The following HTT variants were observed in gnomAD, a reference collection of about 807,000 sequenced individuals.
The protein encoded by HTT is huntingtin.
HTT carries 104 observed loss-of-function variants against 362.3 expected under a neutral mutation model. That is an observed-to-expected ratio of 0.29 (90% CI 0.24 to 0.34). HTT has a LOEUF of 0.34. Ranked by LOEUF, HTT falls within the 10% of genes least tolerant of loss-of-function variation. HTT has a pLI of 1.00. For missense variants in HTT, 3,301 were observed against 3,928.6 expected (o/e 0.84, Z 4.27); for synonymous variants, 1,577 against 1,548.7 (o/e 1.02, Z -0.43).
At chr4:3,210,459 C>T (rs980282968) in intron 47 of HTT, among the ~76,000 whole-genome samples, 2 of 152,184 alleles carry the variant, frequency 1.3e-5, no homozygotes, top group African/African-American at 4.8e-5. Context: ...TTGGATGCAG[C>T]GAGATTTCCT....
rs1157914049 is a variant in HTT, at chr4:3,136,214, T to A, written c.2698-12T>A. 1.3e-6 allele frequency: 2 copies of A among 1,549,518 alleles called. No individual in the cohort carries two copies. Among genetic ancestry groups the A allele is most frequent in the Admixed American group, 3.4e-5 (2 of 57,988 alleles). ...AAGATTATGTTTATTTTTATTATCC[T>A]TCTCTCTAAAGCTTTTAAAACTGCA... On this transcript the variant is annotated splice_polypyrimidine_tract_variant and intron_variant, in intron 20 of 66. Transcript: ENST00000355072.
At position 3,178,908 on chromosome 4, in the gene HTT, G is replaced by T. The variant is rs183885470; in HGVS notation, c.4612+462G>T. Among the ~76,000 whole-genome samples, 511 of 152,310 alleles carry T rather than the reference G, an allele frequency of 3.4e-3. 3 individuals carry two copies. Among genetic ancestry groups the T allele is most frequent in the Non-Finnish European group, 3.6e-3 (243 of 68,034 alleles). On this transcript the variant is annotated intron_variant, in intron 35 of 66. Coordinates refer to ENST00000355072, the MANE Select transcript of HTT (RefSeq NM_001388492.1). The stretch of plus-strand genomic sequence containing the variant: ...TCTGTTTTGCCTGATGATTTTGCTG[G>T]AGCTTAAATAAGGAACCCAGGAGAT...
intron 8 of HTT, among the ~76,000 whole-genome samples, chr4:3,120,457 A>G (rs1715240934): frequency 6.6e-6 from 1 of 152,184 alleles, no homozygotes; most frequent in African/African-American, 2.4e-5. Flanking sequence ...GTACTGGTCC[A>G]TGGGTCCCCA....
In HTT at chr4:3,239,894, G is replaced by T; in HGVS notation, c.9264G>T (p.Val3088=). Residue 3088 remains valine (V), a synonymous_variant, in exon 67 of 67, where the codon GTG becomes GTT. Transcript: ENST00000355072. ...SRMGKLEQVD[V]NLFCLVATDF... Reference sequence around the variant, plus strand: ...TGGGCAAGCTGGAGCAGGTGGACGTGAACCTTTTCTGCCTGGTCGCCACAG... The same window carrying T: ...TGGGCAAGCTGGAGCAGGTGGACGTTAACCTTTTCTGCCTGGTCGCCACAG... The T allele has an allele frequency of 6.4e-7, 1 of 1,571,874 alleles. No homozygotes were observed. The highest frequency in any genetic ancestry group is 1.2e-5 in the South Asian group (1 of 85,626).
intron 26 of HTT, 35 bp downstream of exon 26, chr4:3,148,242 C>G: frequency 1.4e-6 from 2 of 1,426,738 alleles, no homozygotes; most frequent in Non-Finnish European, 1.9e-6. Flanking sequence ...TTCATACAGC[C>G]TTAATGACTA....
At chr4:3,203,418 C>T (rs1719683377) in intron 41 of HTT, among the ~76,000 whole-genome samples, 1 of 152,114 alleles carries the variant, frequency 6.6e-6, no homozygotes, top group African/African-American at 2.4e-5. Context: ...ACTGTATGGA[C>T]TAGAGCCAAG....
In HTT at chr4:3,094,558, C is replaced by A. The variant is rs867749597; in HGVS notation, c.348-4716C>A. ...TGGGCGGGGGCTGCCCCCCACCTCC[C>A]GGACGGGGCGGGTGGCCGGGCGGGG... On this transcript the variant is annotated intron_variant, in intron 2 of 66. Transcript: ENST00000355072. Among the ~76,000 whole-genome samples, 10 of 147,610 alleles carry A rather than the reference C, an allele frequency of 6.8e-5. 1 individual carries two copies. Among genetic ancestry groups the A allele is most frequent in the South Asian group, 4.3e-4 (2 of 4,700 alleles).
At chr4:3,234,163 A>C (rs1450747604) in intron 61 of HTT, among the ~76,000 whole-genome samples, 1 of 152,254 alleles carries the variant, frequency 6.6e-6, no homozygotes. Context: ...GGAGACGGGA[A>C]GGTCTCTGTA....
chr4:3,203,999 C>A lies in HTT; in HGVS notation c.5577-8C>A, dbSNP rs1269639106. 6.2e-7 allele frequency: 1 copy of A among 1,613,516 alleles called. No homozygotes were observed. The highest frequency in any genetic ancestry group is 1.7e-5 in the Admixed American group (1 of 59,988). On this transcript the variant is annotated splice_polypyrimidine_tract_variant and splice_region_variant and intron_variant, in intron 41 of 66. Coordinates refer to ENST00000355072, the MANE Select transcript of HTT (RefSeq NM_001388492.1). The stretch of plus-strand genomic sequence containing the variant: ...AAACATTGTCAATGCATCTGTTGCT[C>A]CTTCTAGAAGACACAGTCTGTCCAG...
chr4:3,230,018 C>T lies in HTT; in HGVS notation c.8241C>T (p.Cys2747=). 6.2e-7 allele frequency: 1 copy of T among 1,613,866 alleles called. No homozygotes were observed. The highest frequency in any genetic ancestry group is 8.5e-7 in the Non-Finnish European group (1 of 1,179,722). Residue 2747 remains cysteine, a synonymous_variant, in exon 60 of 67, where the codon TGC becomes TGT. Transcript: ENST00000355072. ...CTCAGTACCTGGTGCCTGCCACCTGCAAGGCAGCTGCCGTCCTTGGGATGG... is the reference window on the plus strand; with the variant it reads ...CTCAGTACCTGGTGCCTGCCACCTGTAAGGCAGCTGCCGTCCTTGGGATGG... ...ILAQYLVPAT[C]KAAAVLGMDK... is the part of the protein sequence containing the mutation.
At chr4:3,165,357 T>A (rs1269542026) in intron 29 of HTT, among the ~76,000 whole-genome samples, 1 of 152,196 alleles carries the variant, frequency 6.6e-6, no homozygotes, top group Non-Finnish European at 1.5e-5. Context: ...TTTCCTTCAT[T>A]TCAATCTTGG....
Position 3,074,975 on chromosome 4 carries a change from GCTT to G in HTT, c.152_154del (p.Leu51del). The G allele has an allele frequency of 7.2e-7, 1 of 1,387,708 alleles. No individual in the cohort carries two copies. The highest frequency in any genetic ancestry group is 9.5e-7 in the Non-Finnish European group (1 of 1,047,492). The allele number at this position is 1,387,708 out of a possible 1,614,324, so 86.0% of individuals were successfully genotyped here. A position where few individuals can be genotyped will look rare whatever the true frequency, so the allele number is the denominator to read the frequency against. ...CGCCGCCGCCGCCGCCGCCTCCTCA[GCTT>G]CCTCAGCCGCCGCCGCAGGCACAGC... is the stretch of plus-strand genomic sequence containing the variant. On this transcript the variant is annotated inframe_deletion, in exon 1 of 67. Transcript: ENST00000355072.
At chr4:3,216,113 G>A (rs755576045) in intron 51 of HTT, among the ~76,000 whole-genome samples, 1 of 152,128 alleles carries the variant, frequency 6.6e-6, no homozygotes, top group Non-Finnish European at 1.5e-5. Flanking sequence ...TTTTCTCCCC[G>A]CTTTTGTGCA....
chr4:3,136,055 G>A lies in HTT; in HGVS notation c.2697+88G>A, dbSNP rs1578526567. The stretch of plus-strand genomic sequence containing the variant: ...TTGTGGAATTTCTCTAAATGCATTC[G>A]TCATGTTTTAGATGTTTATTTCACA... On this transcript the variant is annotated intron_variant, in intron 20 of 66. Transcript: ENST00000355072. 10 of 1,017,290 alleles carry A rather than the reference G, an allele frequency of 9.8e-6. No homozygotes were observed. In the East Asian group the frequency reaches 1.2e-4, roughly 12 times the overall value. The allele number at this position is 1,017,290 out of a possible 1,614,324, so 63.0% of individuals were successfully genotyped here. A position where few individuals can be genotyped will look rare whatever the true frequency, so the allele number is the denominator to read the frequency against.
intron 32 of HTT, 26 bp from the exon 33 acceptor site, chr4:3,174,916 ATTCT>A (rs750579988): frequency 2.4e-5 from 37 of 1,550,564 alleles, no homozygotes; most frequent in Middle Eastern, 3.4e-4. Flanking sequence ...TTACTTATGG[ATTCT>A]TTCTTTCTTT....
In HTT at chr4:3,224,051, T is replaced by C. The variant is rs1288704385; in HGVS notation, c.7685T>C (p.Val2562Ala). The C allele has an allele frequency of 6.2e-7, 1 of 1,613,942 alleles. No individual in the cohort carries two copies. The highest frequency in any genetic ancestry group is 2.2e-5 in the East Asian group (1 of 44,884). The stretch of plus-strand genomic sequence containing the variant: ...GTGGAGCAAGAGATTCAAGCAATGG[T>C]TTCAAAGAGAGAGAATATTGCCACC... ...GIVEQEIQAM[V>A]SKRENIATHH... The change falls in exon 56 of 67, where the codon GTT (valine) becomes GCT (alanine). Residue 2562 changes from valine to alanine, a missense_variant. Val to Ala is a moderately conservative substitution (Grantham distance 64). Coordinates refer to ENST00000355072, the MANE Select transcript of HTT (RefSeq NM_001388492.1).
chr4:3,170,637 C>A (rs1372282341), intron 29 of HTT, among the ~76,000 whole-genome samples: 1 of 152,168 alleles, frequency 6.6e-6, no homozygotes, highest in Admixed American at 6.5e-5. Context: ...TCCTTAGATT[C>A]TCAGCACCTC....
rs1468778982 is a variant in HTT at position 3,174,934 on chromosome 4, T to A, written c.4246-12T>A. ...CTTATGGATTCTTTCTTTCTTTTTTTCTTTTTTATAGAATGCTATTCATAA... is the reference window on the plus strand; with the variant it reads ...CTTATGGATTCTTTCTTTCTTTTTTACTTTTTTATAGAATGCTATTCATAA... On this transcript the variant is annotated splice_polypyrimidine_tract_variant and intron_variant, in intron 32 of 66. Coordinates refer to ENST00000355072, the MANE Select transcript of HTT (RefSeq NM_001388492.1). 6.4e-7 allele frequency: 1 copy of A among 1,562,094 alleles called. No homozygotes were observed. The highest frequency in any genetic ancestry group is 1.2e-5 in the South Asian group (1 of 84,290).
intron 7 of HTT, among the ~76,000 whole-genome samples, chr4:3,115,794 G>A (rs1714992350): frequency 6.6e-6 from 1 of 152,328 alleles, no homozygotes; most frequent in East Asian, 1.9e-4. Flanking sequence ...AGTTTCTCCT[G>A]TTGTTTGGGT....
Sources: gnomAD v4.1 joint callset for allele counts (sites outside exome capture counted in the v4.1 genomes callset) on GRCh38, gnomAD v4.1.1 for gene constraint, MANE v1.5 for transcripts, NCBI Gene and HGNC (gene_info 2026-07-23, HGNC 2026-07-21) for gene names.